Variants in THAP12 observed in about 807,000 individuals in gnomAD.
THAP12 encodes the protein 52 kDa repressor of the inhibitor of the protein kinase.
In THAP12, 20 loss-of-function variants were observed where a neutral mutation model predicts 63.0. That is an observed-to-expected ratio of 0.32 (90% CI 0.22 to 0.46). The LOEUF is 0.46. Ranked by LOEUF, THAP12 falls within the 20% of genes least tolerant of loss-of-function variation. The pLI, the probability that THAP12 is intolerant of heterozygous loss-of-function variation, is 1.00. For synonymous variants in THAP12, 264 were observed against 328.4 expected (o/e 0.80, Z 2.12); for missense variants, 568 against 908.2 (o/e 0.63, Z 4.81).
intron 1 of THAP12, among the ~76,000 whole-genome samples, chr11:76,376,082 T>C (rs1946707898): frequency 6.6e-6 from 1 of 152,202 alleles, no homozygotes; most frequent in Non-Finnish European, 1.5e-5. Flanking sequence ...TATTGCCTAA[T>C]GGTTACAGTT....
chr11:76,358,327 T>C (rs143177054), intron 3 of THAP12: 2 of 152,232 alleles, frequency 1.3e-5, no homozygotes, highest in East Asian at 1.9e-4. Context: ...AAATAAAATA[T>C]TGACCAATTG....
chr11:76,363,589 T>TTTG (rs1946612485), intron 2 of THAP12, among the ~76,000 whole-genome samples: 1 of 151,580 alleles, frequency 6.6e-6, no homozygotes, highest in Non-Finnish European at 1.5e-5. Context: ...ATCCAGGGGT[T>TTTG]TTTGTTTGTT....
intron 1 of THAP12, among the ~76,000 whole-genome samples, chr11:76,375,996 T>C (rs1294575523): frequency 6.6e-6 from 1 of 152,206 alleles, no homozygotes; most frequent in African/African-American, 2.4e-5. Flanking sequence ...ATGAGGAATC[T>C]AGAACAGGCA....
chr11:76,378,216 C>T (rs1019806016), intron 1 of THAP12, among the ~76,000 whole-genome samples: 1 of 152,104 alleles, frequency 6.6e-6, no homozygotes, highest in African/African-American at 2.4e-5. Flanking sequence ...ATCAGGAGTT[C>T]GAGACCAGCC....
chr11:76,371,299 C>T (rs1437957182), intron 1 of THAP12, among the ~76,000 whole-genome samples: 1 of 152,222 alleles, frequency 6.6e-6, no homozygotes, highest in Non-Finnish European at 1.5e-5. Flanking sequence ...CTTCCCTGCG[C>T]TGTTTACTCA....
At chr11:76,364,457 G>T (rs1295635743) in intron 2 of THAP12, 3 of 435,978 alleles carry the variant, frequency 6.9e-6, no homozygotes, top group Non-Finnish European at 1.4e-5. Flanking sequence ...AAAATAAATT[G>T]CTGCATAACA....
At chr11:76,359,421 T>C (rs1946583052) in intron 3 of THAP12, 1 of 152,208 alleles carries the variant, frequency 6.6e-6, no homozygotes, top group Non-Finnish European at 1.5e-5. Context: ...TTACTAACAG[T>C]AATACTAAAC....
intron 1 of THAP12, among the ~76,000 whole-genome samples, chr11:76,377,579 A>G (rs1208144723): frequency 6.6e-6 from 1 of 152,252 alleles, no homozygotes; most frequent in Admixed American, 6.5e-5. Context: ...ATGTACTGGC[A>G]CTTCATTCCT....
intron 1 of THAP12, among the ~76,000 whole-genome samples, chr11:76,375,019 T>C (rs1946699231): frequency 1.3e-5 from 2 of 152,218 alleles, no homozygotes; most frequent in African/African-American, 2.4e-5. Context: ...TCCAGAACTA[T>C]GAGAAATAAA....
At position 76,379,738 on chromosome 11, in the gene THAP12, C is replaced by T. The variant is rs535256253; in HGVS notation, c.89+1010G>A. Among the ~76,000 whole-genome samples, 7 of 152,246 alleles carry T rather than the reference C, an allele frequency of 4.6e-5. No individual in the cohort carries two copies. The South Asian group carries it at 1.0e-3, about 23-fold the overall frequency. On this transcript the variant is annotated intron_variant, in intron 1 of 4. Transcript: ENST00000260045. ...GTATTTATCATCATCCGACACACTA[C>T]GTATTTTACTTGTTTATTCCCCCCC...
chr11:76,368,168 C>G (rs979597664), intron 1 of THAP12, among the ~76,000 whole-genome samples: 1 of 152,166 alleles, frequency 6.6e-6, no homozygotes, highest in Admixed American at 6.5e-5. Context: ...CTGATATCAA[C>G]AGCAACTCTT....
chr11:76,365,728 A>T lies in THAP12; in HGVS notation c.210+124T>A, dbSNP rs887274692. On this transcript the variant is annotated intron_variant, in intron 2 of 4. Coordinates refer to ENST00000260045, the MANE Select transcript of THAP12 (RefSeq NM_004705.4). ...ACTTTTCAGCTCCAAATCTGTCTTCATCTTAAAGTGGCAGGATATAGGAAT... is the reference window on the plus strand; with the variant it reads ...ACTTTTCAGCTCCAAATCTGTCTTCTTCTTAAAGTGGCAGGATATAGGAAT... 2.4e-6 allele frequency: 3 copies of T among 1,243,354 alleles called. No individual in the cohort carries two copies. The African/African-American group carries it at 4.6e-5, about 19-fold the overall frequency. The allele number at this position is 1,243,354 out of a possible 1,614,324, so 77.0% of individuals were successfully genotyped here.
intron 3 of THAP12, chr11:76,359,164 T>C (rs1946580850): frequency 6.6e-6 from 1 of 152,206 alleles, no homozygotes; most frequent in South Asian, 2.1e-4. Context: ...AACCATAATG[T>C]ATTTAAGAAG....
intron 1 of THAP12, among the ~76,000 whole-genome samples, chr11:76,369,671 GAATTTTATTATATGCC>G (rs2134511601): frequency 6.6e-6 from 1 of 152,360 alleles, no homozygotes; most frequent in Admixed American, 6.5e-5. Context: ...TGGGAATTTG[GAATTTTATTATATGCC>G]AGGCAGAGGC....
At chr11:76,367,143 C>A (rs1946637078) in intron 1 of THAP12, among the ~76,000 whole-genome samples, 1 of 151,384 alleles carries the variant, frequency 6.6e-6, no homozygotes, top group African/African-American at 2.4e-5. Context: ...ATGCCATGAT[C>A]TTGGCTCACT....
chr11:76,367,722 C>T (rs1946641586), intron 1 of THAP12, among the ~76,000 whole-genome samples: 1 of 152,214 alleles, frequency 6.6e-6, no homozygotes, highest in Non-Finnish European at 1.5e-5. Flanking sequence ...TGCGCCCGGC[C>T]CAACATATTC....
rs914823288 is a variant in THAP12, at chr11:76,352,342, T to C, written c.808A>G (p.Ile270Val). 4.3e-6 allele frequency: 7 copies of C among 1,611,992 alleles called. No individual in the cohort carries two copies. Among genetic ancestry groups the C allele is most frequent in the South Asian group, 1.1e-5 (1 of 90,974 alleles). Residue 270 changes from isoleucine (I) to valine (V), a missense_variant, in exon 5 of 5, where the codon ATA (isoleucine) becomes GTA (valine). Coordinates refer to ENST00000260045, the MANE Select transcript of THAP12 (RefSeq NM_004705.4). The part of the protein sequence containing the change: ...FSIITDDVVD[I>V]AGEEHLPVLV... ...ACAGGTAGGTGCTCTTCCCCTGCTATGTCCACTACATCGTCAGTGATAATG... is the reference window on the plus strand; with the variant it reads ...ACAGGTAGGTGCTCTTCCCCTGCTACGTCCACTACATCGTCAGTGATAATG...
chr11:76,361,175 T>A, intron 2 of THAP12, 112 bp from the exon 3 acceptor site: 1 of 660,108 alleles, frequency 1.5e-6, no homozygotes. Context: ...AGCTCTAAAG[T>A]ATAGAGACTT....
In THAP12 at chr11:76,371,810, CTTT is replaced by C. The variant is rs71036086; in HGVS notation, c.90-5841_90-5839del. On this transcript the variant is annotated intron_variant, in intron 1 of 4. Coordinates refer to ENST00000260045, the MANE Select transcript of THAP12 (RefSeq NM_004705.4). ...AGATTTTATTTCATTTTTAACTTTT[CTTT>C]TTTTTTTTTTTTTTTTTTGGTGGAG... 1.8e-3 allele frequency among the ~76,000 whole-genome samples: 121 copies of C among 65,750 alleles called. 1 individual carries two copies. The highest frequency in any genetic ancestry group is 5.3e-3 in the African/African-American group (88 of 16,492). 43.1% of individuals were successfully genotyped at this position (65,750 alleles called of 152,430 possible). A position where few individuals can be genotyped will look rare whatever the true frequency, so the allele number is the denominator to read the frequency against.
Sources: allele counts gnomAD v4.1 joint callset (sites outside exome capture counted in the v4.1 genomes callset), GRCh38; gene constraint gnomAD v4.1.1; transcripts MANE v1.5; gene names NCBI Gene and HGNC (gene_info 2026-07-23, HGNC 2026-07-21).